The following CNTNAP2 variants were observed in gnomAD, a reference collection of about 807,000 sequenced individuals.
CNTNAP2 encodes contactin-associated protein-like 2.
In CNTNAP2, 98 loss-of-function variants were observed where a neutral mutation model predicts 155.2. That is an observed-to-expected ratio of 0.63 (90% CI 0.54 to 0.75). The LOEUF is 0.75. Ranked by LOEUF, CNTNAP2 falls within the 30% of genes least tolerant of loss-of-function variation. The pLI, the probability that CNTNAP2 is intolerant of heterozygous loss-of-function variation, is 0.00. For synonymous variants in CNTNAP2, 651 were observed against 631.2 expected, an observed-to-expected ratio of 1.03 and a Z score of -0.47; for missense variants, 1,727 against 1,688.1, an observed-to-expected ratio of 1.02 and a Z score of -0.40.
At chr7:146,915,409 G>T (rs1228114469) in intron 3 of CNTNAP2, among the ~76,000 whole-genome samples, 1 of 152,102 alleles carries the variant, frequency 6.6e-6, no homozygotes, top group Non-Finnish European at 1.5e-5. Context: ...TGGCAGTATG[G>T]TCATTTTCAC....
chr7:146,591,411 T>TC (rs60195096), intron 1 of CNTNAP2, among the ~76,000 whole-genome samples: 125,928 of 151,860 alleles, frequency 0.83, 52,844 homozygotes, highest in African/African-American at 0.9. Context: ...AAATGTGGAA[T>TC]AATAATTGAG....
chr7:146,889,727 T>C (rs1795739645), intron 3 of CNTNAP2, among the ~76,000 whole-genome samples: 1 of 152,152 alleles, frequency 6.6e-6, no homozygotes, highest in Admixed American at 6.6e-5. Flanking sequence ...GTGTATAGAC[T>C]ACGGAGAACA....
intron 1 of CNTNAP2, among the ~76,000 whole-genome samples, chr7:146,736,940 A>T (rs1414424744): frequency 6.6e-6 from 1 of 152,038 alleles, no homozygotes; most frequent in Admixed American, 6.6e-5. Flanking sequence ...TATATATATA[A>T]ACTTTTATTC....
chr7:147,307,526 G>A (rs1256626435), intron 9 of CNTNAP2, among the ~76,000 whole-genome samples: 2 of 152,184 alleles, frequency 1.3e-5, no homozygotes, highest in East Asian at 3.9e-4. Context: ...AGAGGTTGCA[G>A]TGAGACAGGA....
At position 146,437,829 on chromosome 7, in the gene CNTNAP2, A is replaced by G. The variant is rs1001048924; in HGVS notation, c.97+320856A>G. On this transcript the variant is annotated intron_variant, in intron 1 of 23. Coordinates refer to ENST00000361727, the MANE Select transcript of CNTNAP2 (RefSeq NM_014141.6). ...GGCCAAAAAATGTGATCAAAAGTGAAGTGGATTTTGGACTAAGACACTGGA... is the reference window on the plus strand; with the variant it reads ...GGCCAAAAAATGTGATCAAAAGTGAGGTGGATTTTGGACTAAGACACTGGA... 1.6e-4 allele frequency among the ~76,000 whole-genome samples: 24 copies of G among 151,252 alleles called. 2 individuals carry two copies. The highest frequency in any genetic ancestry group is 5.9e-4 in the African/African-American group (24 of 40,716).
At position 147,565,430 on chromosome 7, in the gene CNTNAP2, G is replaced by T. The variant is rs149252979; in HGVS notation, c.1897+3173G>T. ...GTGGTCGTCTATGGAAAGATTTTAA[G>T]CAGGAAAATAAGATCTTGATTGCAT... On this transcript the variant is annotated intron_variant, in intron 12 of 23. Coordinates refer to ENST00000361727, the MANE Select transcript of CNTNAP2 (RefSeq NM_014141.6). Among the ~76,000 whole-genome samples the T allele has an allele frequency of 3.4e-3, 516 of 152,194 alleles. 2 individuals carry two copies. The highest frequency in any genetic ancestry group is 0.012 in the African/African-American group (493 of 41,510).
intron 4 of CNTNAP2, among the ~76,000 whole-genome samples, chr7:147,054,984 T>C (rs192995557): frequency 1.4e-3 from 211 of 152,284 alleles, no homozygotes; most frequent in Middle Eastern, 3.4e-3. Flanking sequence ...TTCATGCTCG[T>C]TTGGCTGGAC....
intron 2 of CNTNAP2, among the ~76,000 whole-genome samples, chr7:146,797,462 A>G (rs897042136): frequency 2.0e-5 from 3 of 152,252 alleles, no homozygotes; most frequent in African/African-American, 7.2e-5. Flanking sequence ...ACATGGAAAT[A>G]GCATACAGAC....
At chr7:146,866,432 T>A (rs888119496) in intron 3 of CNTNAP2, among the ~76,000 whole-genome samples, 1 of 152,126 alleles carries the variant, frequency 6.6e-6, no homozygotes, top group Non-Finnish European at 1.5e-5. Flanking sequence ...CTCCTGCATA[T>A]TAATAATTTA....
chr7:147,747,779 C>A (rs1393136186), intron 13 of CNTNAP2, among the ~76,000 whole-genome samples: 2 of 152,184 alleles, frequency 1.3e-5, no homozygotes, highest in East Asian at 1.9e-4. Context: ...AAATTTATTT[C>A]TTGTGTGATT....
intron 23 of CNTNAP2, among the ~76,000 whole-genome samples, chr7:148,411,130 C>T (rs1282231324): frequency 3.9e-5 from 6 of 152,224 alleles, no homozygotes; most frequent in Non-Finnish European, 8.8e-5. Flanking sequence ...CGGATAGCCA[C>T]TGAGCCTCAT....
intron 1 of CNTNAP2, among the ~76,000 whole-genome samples, chr7:146,695,823 C>A (rs1239267298): frequency 6.6e-6 from 1 of 152,108 alleles, no homozygotes; most frequent in African/African-American, 2.4e-5. Flanking sequence ...AGCTAATTAA[C>A]ATATATATTA....
intron 8 of CNTNAP2, among the ~76,000 whole-genome samples, chr7:147,247,033 T>C (rs1217465068): frequency 6.6e-6 from 1 of 152,240 alleles, no homozygotes; most frequent in Non-Finnish European, 1.5e-5. Flanking sequence ...AACAAGTCTC[T>C]ACTTCAGTCC....
intron 10 of CNTNAP2, among the ~76,000 whole-genome samples, chr7:147,434,784 T>C (rs1020114811): frequency 2.6e-5 from 4 of 152,236 alleles, no homozygotes; most frequent in African/African-American, 9.6e-5. Flanking sequence ...GCACTTTAAG[T>C]AAGTTCGCCA....
At chr7:147,609,400 G>T in intron 12 of CNTNAP2, among the ~76,000 whole-genome samples, 1 of 152,058 alleles carries the variant, frequency 6.6e-6, no homozygotes, top group East Asian at 1.9e-4. Flanking sequence ...GCATGGTGGC[G>T]GGTGCCTGTA....
At chr7:146,963,466 T>G (rs926080124) in intron 3 of CNTNAP2, among the ~76,000 whole-genome samples, 1 of 152,230 alleles carries the variant, frequency 6.6e-6, no homozygotes, top group African/African-American at 2.4e-5. Context: ...TTTCATATTG[T>G]GCTTCAAGTG....
chr7:147,934,262 A>T (rs1009598294), intron 14 of CNTNAP2, among the ~76,000 whole-genome samples: 1 of 152,172 alleles, frequency 6.6e-6, no homozygotes, highest in African/African-American at 2.4e-5. Context: ...TGGGTAATTT[A>T]AAAAAGAAAG....
At chr7:146,881,689 A>G (rs1795553654) in intron 3 of CNTNAP2, among the ~76,000 whole-genome samples, 1 of 151,470 alleles carries the variant, frequency 6.6e-6, no homozygotes, top group Non-Finnish European at 1.5e-5. Flanking sequence ...AGCAAAAAAT[A>G]TATACAAGTT....
At chr7:148,379,604 CA>C (rs561098003) in intron 21 of CNTNAP2, among the ~76,000 whole-genome samples, 158 of 152,104 alleles carry the variant, frequency 1.0e-3, no homozygotes, top group African/African-American at 3.6e-3. Context: ...TCCAGCTACT[CA>C]AAGAGGCTGA....
Sources: gnomAD v4.1 joint callset for allele counts (sites outside exome capture counted in the v4.1 genomes callset) on GRCh38, gnomAD v4.1.1 for gene constraint, MANE v1.5 for transcripts, NCBI Gene and HGNC (gene_info 2026-07-23, HGNC 2026-07-21) for gene names.